The following SLC41A2 variants were observed in gnomAD, a reference collection of about 807,000 sequenced individuals.
SLC41A2 encodes solute carrier family 41 member 2.
A neutral mutation model predicts 58.3 loss-of-function variants in SLC41A2; 32 were observed. That is an observed-to-expected ratio of 0.55 (90% CI 0.41 to 0.74). The LOEUF is 0.74. SLC41A2 is among the 30% of genes least tolerant of loss of function. The probability of loss-of-function intolerance (pLI) is 0.00; values close to 1 mark genes in which losing one functional copy is unlikely to be tolerated. For synonymous variants in SLC41A2, 190 were observed against 235.0 expected (o/e 0.81, Z 1.75); for missense variants, 514 against 680.6 (o/e 0.76, Z 2.72).
chr12:104,897,801 G>A (rs1383133513), intron 3 of SLC41A2, among the ~76,000 whole-genome samples: 1 of 152,242 alleles, frequency 6.6e-6, no homozygotes, highest in African/African-American at 2.4e-5. Flanking sequence ...TGTGGATAGA[G>A]GTATGGCAGG....
At chr12:104,911,333 G>T (rs767146283) in intron 2 of SLC41A2, among the ~76,000 whole-genome samples, 7 of 152,150 alleles carry the variant, frequency 4.6e-5, no homozygotes, top group Non-Finnish European at 8.8e-5. Flanking sequence ...CGTAACTTTG[G>T]CAAAATAAAC....
intron 6 of SLC41A2, among the ~76,000 whole-genome samples, chr12:104,868,933 G>A (rs998093365): frequency 6.6e-6 from 1 of 152,192 alleles, no homozygotes; most frequent in Non-Finnish European, 1.5e-5. Context: ...GCCCAGAATA[G>A]GCAAATCCGA....
At chr12:104,919,105 A>G (rs2046468599) in intron 2 of SLC41A2, among the ~76,000 whole-genome samples, 1 of 152,238 alleles carries the variant, frequency 6.6e-6, no homozygotes, top group East Asian at 1.9e-4. Context: ...AATACAATCT[A>G]TAATATTTTA....
At chr12:104,935,493 A>G (rs562944086) in intron 1 of SLC41A2, among the ~76,000 whole-genome samples, 1 of 152,336 alleles carries the variant, frequency 6.6e-6, no homozygotes, top group Admixed American at 6.5e-5. Context: ...TTAAAAATAA[A>G]TAAAATTTAA....
At chr12:104,855,064 C>T (rs753747162) in intron 8 of SLC41A2, among the ~76,000 whole-genome samples, 40 of 152,146 alleles carry the variant, frequency 2.6e-4, no homozygotes, top group Non-Finnish European at 4.6e-4. Flanking sequence ...GCCTCCTTGC[C>T]AACAAACGTA....
intron 2 of SLC41A2, among the ~76,000 whole-genome samples, chr12:104,917,222 A>G (rs1229080931): frequency 6.6e-6 from 1 of 152,022 alleles, no homozygotes; most frequent in Non-Finnish European, 1.5e-5. Context: ...ACACGTGAAA[A>G]AATGCTCACC....
chr12:104,831,927 A>T (rs937525597), intron 10 of SLC41A2, among the ~76,000 whole-genome samples: 1 of 152,176 alleles, frequency 6.6e-6, no homozygotes, highest in African/African-American at 2.4e-5. Flanking sequence ...CATTTTATAA[A>T]TATTTACTGT....
At chr12:104,840,054 A>G (rs2042354644) in intron 10 of SLC41A2, among the ~76,000 whole-genome samples, 1 of 152,214 alleles carries the variant, frequency 6.6e-6, no homozygotes, top group African/African-American at 2.4e-5. Flanking sequence ...CAGGTTTATT[A>G]TGCTGTCAAG....
At chr12:104,845,555 C>T (rs774311670) in intron 9 of SLC41A2, among the ~76,000 whole-genome samples, 5 of 152,072 alleles carry the variant, frequency 3.3e-5, no homozygotes, top group Admixed American at 6.6e-5. Flanking sequence ...ATCTGCCTCC[C>T]GAAATCACCT....
chr12:104,916,687 G>T (rs1433552961), intron 2 of SLC41A2, among the ~76,000 whole-genome samples: 1 of 152,148 alleles, frequency 6.6e-6, no homozygotes, highest in Non-Finnish European at 1.5e-5. Flanking sequence ...ACAACTATCT[G>T]ATCTTTGACA....
intron 1 of SLC41A2, among the ~76,000 whole-genome samples, chr12:104,955,705 G>C (rs148341169): frequency 1.0e-3 from 153 of 151,028 alleles, no homozygotes; most frequent in Middle Eastern, 7.0e-3. Flanking sequence ...TATTAGATCA[G>C]TGGAAAATTG....
chr12:104,863,779 A>G (rs1248261896), intron 7 of SLC41A2, among the ~76,000 whole-genome samples: 1 of 152,194 alleles, frequency 6.6e-6, no homozygotes, highest in Non-Finnish European at 1.5e-5. Context: ...TTATAACAAC[A>G]GAAATTTCAT....
chr12:104,895,430 C>A lies in SLC41A2; in HGVS notation c.664-85G>T, dbSNP rs988546944. The A allele has an allele frequency of 6.6e-6, 6 of 913,078 alleles. No individual in the cohort carries two copies. In the African/African-American group the frequency reaches 6.7e-5, roughly 10 times the overall value. The allele number at this position is 913,078 out of a possible 1,614,324, so 56.6% of individuals were successfully genotyped here. On this transcript the variant is annotated intron_variant, in intron 3 of 10. Transcript: ENST00000258538. ...TCAAACAGCACATGAAATCTTAAAGCCCAAAATAATTCTTCAGTAAATCCA... is the reference window on the plus strand; with the variant it reads ...TCAAACAGCACATGAAATCTTAAAGACCAAAATAATTCTTCAGTAAATCCA...
chr12:104,916,594 C>T (rs1054650493), intron 2 of SLC41A2, among the ~76,000 whole-genome samples: 6 of 152,152 alleles, frequency 3.9e-5, no homozygotes, highest in African/African-American at 1.4e-4. Context: ...CTACAGTAAC[C>T]AAAACAGCAT....
At chr12:104,838,193 T>A (rs1377227366) in intron 10 of SLC41A2, among the ~76,000 whole-genome samples, 1 of 152,232 alleles carries the variant, frequency 6.6e-6, no homozygotes, top group Non-Finnish European at 1.5e-5. Context: ...GTATTTCTGC[T>A]CCAAGCATGT....
At chr12:104,929,750 T>A (rs569625975) in intron 1 of SLC41A2, among the ~76,000 whole-genome samples, 2 of 152,368 alleles carry the variant, frequency 1.3e-5, no homozygotes, top group East Asian at 3.9e-4. Context: ...AAAATGGCAC[T>A]GATTTGATAA....
At chr12:104,831,738 T>C (rs1000013041) in intron 10 of SLC41A2, among the ~76,000 whole-genome samples, 3 of 152,138 alleles carry the variant, frequency 2.0e-5, no homozygotes, top group African/African-American at 7.2e-5. Flanking sequence ...CAAAATACAC[T>C]CAATATATCT....
At chr12:104,901,792 T>C (rs1433726394) in intron 3 of SLC41A2, among the ~76,000 whole-genome samples, 1 of 152,220 alleles carries the variant, frequency 6.6e-6, no homozygotes, top group African/African-American at 2.4e-5. Flanking sequence ...AATATCTTTT[T>C]ATCTGTGAAC....
At chr12:104,846,508 G>A (rs1201254927) in intron 8 of SLC41A2, among the ~76,000 whole-genome samples, 1 of 152,198 alleles carries the variant, frequency 6.6e-6, no homozygotes, top group Non-Finnish European at 1.5e-5. Context: ...TCCTTTTGCA[G>A]AGTGCAGGAG....
Sources: allele counts gnomAD v4.1 joint callset (sites outside exome capture counted in the v4.1 genomes callset), GRCh38; gene constraint gnomAD v4.1.1; transcripts MANE v1.5; gene names NCBI Gene and HGNC (gene_info 2026-07-23, HGNC 2026-07-21).